Variants in ANKRD62 observed in about 807,000 individuals in gnomAD.
ANKRD62 encodes ankyrin repeat domain 62.
ANKRD62 carries 61 observed loss-of-function variants against 98.8 expected under a neutral mutation model. The observed-to-expected ratio is 0.62, with a 90% CI of 0.50 to 0.76. ANKRD62 has a LOEUF of 0.76. Among genes scored for constraint, ANKRD62 ranks in the 30% least tolerant of loss-of-function variants. The pLI, the probability that ANKRD62 is intolerant of heterozygous loss-of-function variation, is 0.00. For missense variants in ANKRD62, 933 were observed against 1,082.9 expected (o/e 0.86, Z 1.94); for synonymous variants, 341 against 367.9 (o/e 0.93, Z 0.84).
At position 12,107,384 on chromosome 18, in the gene ANKRD62, T is replaced by C; in HGVS notation, c.981T>C (p.Asp327=). ...ATGACAGTGACAATTATAATGATGA[T>C]GTTGATGAATTAATTCACAAAATAA... ...HADDSDNYND[D]VDELIHKIKN... The change falls in exon 8 of 14, where the codon GAT becomes GAC. Residue 327 remains aspartate (D), a synonymous_variant. Transcript: ENST00000587848. 6.6e-7 allele frequency: 1 copy of C among 1,526,248 alleles called. No homozygotes were observed. Among genetic ancestry groups the C allele is most frequent in the Non-Finnish European group, 8.8e-7 (1 of 1,142,332 alleles). 94.5% of individuals were successfully genotyped at this position (1,526,248 alleles called of 1,614,324 possible). A position where few individuals can be genotyped will look rare whatever the true frequency, so the allele number is the denominator to read the frequency against.
intron 10 of ANKRD62, among the ~76,000 whole-genome samples, chr18:12,118,195 A>G (rs1909706935): frequency 6.6e-6 from 1 of 152,224 alleles, no homozygotes. Context: ...AAAAATCCTC[A>G]GTACTCTGCC....
chr18:12,151,688 C>T, the ANKRD62 span, among the ~76,000 whole-genome samples: 1 of 151,988 alleles, frequency 6.6e-6, no homozygotes, highest in African/African-American at 2.4e-5. Context: ...CCTCACAGCT[C>T]GCAGAAGACA....
intron 11 of ANKRD62, 143 bp from the exon 12 acceptor site, chr18:12,123,994 T>A: frequency 2.2e-6 from 1 of 451,354 alleles, no homozygotes; most frequent in East Asian, 3.8e-5. Context: ...ATATGTCTTC[T>A]TTGGAAGACA....
chr18:12,162,606 C>G, the ANKRD62 span, among the ~76,000 whole-genome samples: 1 of 152,042 alleles, frequency 6.6e-6, no homozygotes, highest in African/African-American at 2.4e-5. Flanking sequence ...ATCCAATGTC[C>G]TAGAGAGTTT....
intron 6 of ANKRD62, chr18:12,102,640 C>A: frequency 1.3e-6 from 1 of 787,072 alleles, no homozygotes; most frequent in Non-Finnish European, 1.6e-6. Context: ...AGAGTTTACA[C>A]AGCTGTTGAA....
At chr18:12,125,069 A>G (rs8096691) in intron 12 of ANKRD62, among the ~76,000 whole-genome samples, 106,617 of 152,190 alleles carry the variant, frequency 0.7, 39,021 homozygotes, top group African/African-American at 0.9. Context: ...CAGAGCTAAG[A>G]CTCTTACTAT....
the ANKRD62 span, among the ~76,000 whole-genome samples, chr18:12,138,261 G>A: frequency 1.3e-5 from 2 of 152,090 alleles, no homozygotes; most frequent in Admixed American, 1.3e-4. Flanking sequence ...GTTCTCCTTG[G>A]TTTCAAAGAA....
chr18:12,119,930 T>C (rs1474723300), intron 10 of ANKRD62, among the ~76,000 whole-genome samples: 1 of 152,176 alleles, frequency 6.6e-6, no homozygotes, highest in Non-Finnish European at 1.5e-5. Context: ...ATTTTCTTTT[T>C]TCATCATCTC....
At chr18:12,116,532 A>G (rs1165016596) in intron 10 of ANKRD62, among the ~76,000 whole-genome samples, 1 of 152,170 alleles carries the variant, frequency 6.6e-6, no homozygotes, top group Non-Finnish European at 1.5e-5. Flanking sequence ...AAGATATCTC[A>G]TTATGTAGAT....
At chr18:12,145,126 C>CGTGCTGTGCTGTGCT in the ANKRD62 span, among the ~76,000 whole-genome samples, 4 of 151,340 alleles carry the variant, frequency 2.6e-5, no homozygotes, top group Non-Finnish European at 4.4e-5. Flanking sequence ...ACAGCTGTGT[C>CGTGCTGTGCTGTGCT]GTGCTGTGCT....
chr18:12,146,866 T>C, the ANKRD62 span, among the ~76,000 whole-genome samples: 1 of 150,580 alleles, frequency 6.6e-6, no homozygotes, highest in Non-Finnish European at 1.5e-5. Flanking sequence ...CCAACCTCCC[T>C]GGGATGAAGC....
chr18:12,140,696 G>A, the ANKRD62 span, among the ~76,000 whole-genome samples: 4 of 151,920 alleles, frequency 2.6e-5, no homozygotes, highest in African/African-American at 4.8e-5. Context: ...CTGCCTGATC[G>A]TTCCTCTGGA....
chr18:12,117,131 G>T (rs774327596), intron 10 of ANKRD62, among the ~76,000 whole-genome samples: 7 of 152,064 alleles, frequency 4.6e-5, no homozygotes, highest in Non-Finnish European at 1.0e-4. Flanking sequence ...TATTAGTCCT[G>T]GTACTAATAA....
chr18:12,107,356 C>T lies in ANKRD62; in HGVS notation c.953C>T (p.Ala318Val). 6.6e-7 allele frequency: 1 copy of T among 1,516,168 alleles called. No individual in the cohort carries two copies. Among genetic ancestry groups the T allele is most frequent in the South Asian group, 1.2e-5 (1 of 80,272 alleles). 93.9% of individuals were successfully genotyped at this position (1,516,168 alleles called of 1,614,324 possible). Residue 318 changes from alanine (A) to valine (V), a missense_variant, in exon 8 of 14, where the codon GCT (alanine) becomes GTT (valine). Coordinates refer to ENST00000587848, the MANE Select transcript of ANKRD62 (RefSeq NM_001277333.2). Reference sequence around the variant, plus strand: ...ATGGAAGTGTCAAGAAACGTACATGCTGATGACAGTGACAATTATAATGAT... The same window carrying T: ...ATGGAAGTGTCAAGAAACGTACATGTTGATGACAGTGACAATTATAATGAT... The part of the protein sequence containing the change: ...KKMEVSRNVH[A>V]DDSDNYNDDV...
chr18:12,154,516 A>G, the ANKRD62 span, among the ~76,000 whole-genome samples: 2 of 152,238 alleles, frequency 1.3e-5, no homozygotes, highest in African/African-American at 4.8e-5. Context: ...TAGTTCCACC[A>G]TTGTGGAAAG....
chr18:12,137,108 G>A, the ANKRD62 span, among the ~76,000 whole-genome samples: 2 of 152,136 alleles, frequency 1.3e-5, no homozygotes, highest in African/African-American at 4.8e-5. Flanking sequence ...GTAAGAGAGG[G>A]CATCCCTGTC....
the ANKRD62 span, among the ~76,000 whole-genome samples, chr18:12,135,676 C>A: frequency 6.6e-6 from 1 of 151,808 alleles, no homozygotes; most frequent in African/African-American, 2.4e-5. Flanking sequence ...AAAAGTGTTC[C>A]TATTTCTCCA....
chr18:12,125,756 C>T lies in ANKRD62; in HGVS notation c.1935C>T (p.Ser645=). ...CTGAGCTACAGAAGGAAAAACAAAG[C>T]ATGTCAAGACTGGAAACAGAAATGG... ...LNSELQKEKQ[S]MSRLETEMES... Residue 645 remains serine, a synonymous_variant, in exon 13 of 14, where the codon AGC becomes AGT. Coordinates refer to ENST00000587848, the MANE Select transcript of ANKRD62 (RefSeq NM_001277333.2). The T allele has an allele frequency of 1.9e-6, 3 of 1,546,888 alleles. No homozygotes were observed. In the South Asian group the frequency reaches 3.6e-5, roughly 18 times the overall value.
the ANKRD62 span, among the ~76,000 whole-genome samples, chr18:12,160,343 C>A: frequency 6.6e-6 from 1 of 152,130 alleles, no homozygotes; most frequent in African/African-American, 2.4e-5. Flanking sequence ...ACCTTTTAAA[C>A]CATAATTCAA....
Sources: gnomAD v4.1 joint callset for allele counts (sites outside exome capture counted in the v4.1 genomes callset) on GRCh38, gnomAD v4.1.1 for gene constraint, MANE v1.5 for transcripts, NCBI Gene and HGNC (gene_info 2026-07-23, HGNC 2026-07-21) for gene names.